Variants in CHD2 observed in about 807,000 individuals in gnomAD.
CHD2 encodes chromodomain helicase DNA binding protein 2.
A neutral mutation model predicts 243.9 loss-of-function variants in CHD2; 28 were observed. The ratio of observed to expected loss-of-function variants is 0.11; its 90% CI spans 0.09 to 0.16. The LOEUF (loss-of-function observed/expected upper bound fraction) is 0.16, where lower values mean the gene tolerates loss of function less well. Among genes scored for constraint, CHD2 ranks in the 10% least tolerant of loss-of-function variants. The probability of loss-of-function intolerance (pLI) is 1.00; values close to 1 mark genes in which losing one functional copy is unlikely to be tolerated. For missense variants in CHD2, 1,386 were observed against 2,209.8 expected (o/e 0.63, Z 7.47); for synonymous variants, 775 against 779.0 (o/e 0.99, Z 0.09).
chr15:92,937,658 T>A, intron 6 of CHD2, 33 bp downstream of exon 6: 1 of 1,485,184 alleles, frequency 6.7e-7, no homozygotes, highest in Non-Finnish European at 9.3e-7. Flanking sequence ...CTACTTGGGA[T>A]GAGCTTAATC....
chr15:92,968,041 T>C lies in CHD2; in HGVS notation c.2189+528T>C, dbSNP rs191103930. Among the ~76,000 whole-genome samples the C allele has an allele frequency of 3.9e-5, 6 of 152,298 alleles. No individual in the cohort carries two copies. In the East Asian group the frequency reaches 1.2e-3, roughly 29 times the overall value. On this transcript the variant is annotated intron_variant, in intron 17 of 38. Transcript: ENST00000394196. ...TATTTTGGGATCAACGTAAGCTCCA[T>C]GCATTTTGCTTGTTTGGGGATCGAT...
chr15:92,977,000 AT>A (rs2053918814), intron 20 of CHD2, among the ~76,000 whole-genome samples: 1 of 151,974 alleles, frequency 6.6e-6, no homozygotes, highest in South Asian at 2.1e-4. Flanking sequence ...GAGTTTTATA[AT>A]TTTTTAACCT....
intron 35 of CHD2, among the ~76,000 whole-genome samples, chr15:93,012,134 A>C (rs1211069811): frequency 6.6e-6 from 1 of 152,188 alleles, no homozygotes; most frequent in African/African-American, 2.4e-5. Flanking sequence ...TGTTTCCCTT[A>C]AAGTTGCAAT....
At chr15:92,960,382 T>G (rs1159494024) in intron 16 of CHD2, among the ~76,000 whole-genome samples, 1 of 152,174 alleles carries the variant, frequency 6.6e-6, no homozygotes, top group Non-Finnish European at 1.5e-5. Flanking sequence ...ATAGAAATGG[T>G]GGGAGCAGGA....
intron 37 of CHD2, among the ~76,000 whole-genome samples, chr15:93,015,728 A>T (rs1450449372): frequency 6.6e-6 from 1 of 152,238 alleles, no homozygotes; most frequent in Non-Finnish European, 1.5e-5. Context: ...AAAAGAAGAC[A>T]TACAGATTGC....
chr15:92,998,504 G>A lies in CHD2; in HGVS notation c.3891G>A (p.Leu1297=). ...DPELKLTDKI[L]PVETDKKPQG... is the part of the protein sequence containing the mutation. ...CTCTTCCTTTCTTGTTGAAGATTCT[G>A]CCGGTGGAGACAGATAAAAAGCCTC... Residue 1297 remains leucine, a synonymous_variant, in exon 31 of 39, where the codon CTG becomes CTA. Transcript: ENST00000394196. This position sits in a 1 kb window ranked among gnomAD's most constrained non-coding sequence, Gnocchi z 5.1. 1 of 1,613,918 alleles carries A rather than the reference G, an allele frequency of 6.2e-7. No individual in the cohort carries two copies. The highest frequency in any genetic ancestry group is 8.5e-7 in the Non-Finnish European group (1 of 1,179,904).
At chr15:92,992,791 G>A (rs2054137513) in intron 27 of CHD2, 68 bp from the exon 28 acceptor site, 4 of 1,566,146 alleles carry the variant, frequency 2.6e-6, no homozygotes, top group Admixed American at 1.7e-5. Flanking sequence ...AGGCCTAGTG[G>A]CATCTCATGA....
At chr15:92,913,445 G>A (rs1252667941) in intron 2 of CHD2, among the ~76,000 whole-genome samples, 1 of 152,160 alleles carries the variant, frequency 6.6e-6, no homozygotes, top group Non-Finnish European at 1.5e-5. Flanking sequence ...TGTCACTCTG[G>A]GGGTGGGGGT....
intron 26 of CHD2, among the ~76,000 whole-genome samples, chr15:92,988,649 A>C (rs1430227307): frequency 6.6e-6 from 1 of 151,944 alleles, no homozygotes; most frequent in Non-Finnish European, 1.5e-5. Flanking sequence ...GAAAGTCTTA[A>C]TTTCTTTTTT....
intron 26 of CHD2, among the ~76,000 whole-genome samples, chr15:92,986,421 T>G (rs1596438888): frequency 1.3e-5 from 2 of 152,328 alleles, no homozygotes; most frequent in Non-Finnish European, 2.9e-5. Context: ...GTGAGGTGTT[T>G]CTTTTCACTT....
Position 92,987,670 on chromosome 15 carries a change from A to G in CHD2, c.3413+1997A>G, listed in dbSNP as rs77481428. Among the ~76,000 whole-genome samples the G allele has an allele frequency of 5.0e-3, 753 of 151,924 alleles. 8 individuals are homozygous for G. Among genetic ancestry groups the G allele is most frequent in the African/African-American group, 0.017 (719 of 41,454 alleles). On this transcript the variant is annotated intron_variant, in intron 26 of 38. Transcript: ENST00000394196. ...TTTTTTAAAAATATTTTTTCTGCCAATCTCTTTTTTTTGATTGCAGTATTT... is the reference window on the plus strand; with the variant it reads ...TTTTTTAAAAATATTTTTTCTGCCAGTCTCTTTTTTTTGATTGCAGTATTT...
In CHD2 at chr15:92,979,016, A is replaced by G. The variant is rs941401494; in HGVS notation, c.2728-119A>G. 2.7e-5 allele frequency: 35 copies of G among 1,308,394 alleles called. No individual in the cohort carries two copies. The African/African-American group carries it at 4.7e-4, about 18-fold the overall frequency. The allele number at this position is 1,308,394 out of a possible 1,614,324, so 81.0% of individuals were successfully genotyped here. A position where few individuals can be genotyped will look rare whatever the true frequency, so the allele number is the denominator to read the frequency against. ...ATGGCTTACAGTCTTCTATGGTTAG[A>G]GAATAAATTCTGTTAAAATTTTCCC... On this transcript the variant is annotated intron_variant, in intron 21 of 38. Coordinates refer to ENST00000394196, the MANE Select transcript of CHD2 (RefSeq NM_001271.4).
chr15:92,904,152 CTT>C (rs1398905619), intron 2 of CHD2, among the ~76,000 whole-genome samples: 3 of 152,362 alleles, frequency 2.0e-5, no homozygotes, highest in Admixed American at 6.5e-5. Flanking sequence ...CGCAGCAGCT[CTT>C]TGAGCCCCTG....
At chr15:92,909,233 A>G (rs1165328353) in intron 2 of CHD2, among the ~76,000 whole-genome samples, 2 of 152,088 alleles carry the variant, frequency 1.3e-5, no homozygotes, top group Non-Finnish European at 2.9e-5. Context: ...TCTCTTCCTT[A>G]GTGTACTCTC....
At chr15:92,992,377 T>G (rs1032746682) in intron 27 of CHD2, among the ~76,000 whole-genome samples, 4 of 152,214 alleles carry the variant, frequency 2.6e-5, no homozygotes, top group Admixed American at 6.5e-5. Context: ...GACAGCCTGT[T>G]TTTTAGCTGT....
intron 16 of CHD2, among the ~76,000 whole-genome samples, chr15:92,964,250 T>C (rs1567144024): frequency 6.6e-6 from 1 of 152,244 alleles, no homozygotes; most frequent in Non-Finnish European, 1.5e-5. Flanking sequence ...TTTGAAAATT[T>C]TGTGTTTAAA....
chr15:93,007,174 A>C (rs1221906797), intron 34 of CHD2, among the ~76,000 whole-genome samples: 2 of 152,254 alleles, frequency 1.3e-5, no homozygotes, highest in African/African-American at 2.4e-5. Flanking sequence ...AATGAATTCA[A>C]GTTCTGATTG....
chr15:92,916,610 A>G (rs1567122881), intron 2 of CHD2, among the ~76,000 whole-genome samples: 3 of 152,102 alleles, frequency 2.0e-5, no homozygotes, highest in African/African-American at 7.2e-5. Context: ...CTGGAGTGCA[A>G]TGGTGCAACC....
intron 19 of CHD2, 128 bp from the exon 20 acceptor site, chr15:92,974,751 T>C: frequency 1.3e-6 from 1 of 754,328 alleles, no homozygotes; most frequent in Non-Finnish European, 2.2e-6. Context: ...TTCATAGCGC[T>C]TTGCCAGTGC....
Sources: gnomAD v4.1 joint callset for allele counts (sites outside exome capture counted in the v4.1 genomes callset) on GRCh38, gnomAD v4.1.1 for gene constraint, Gnocchi (gnomAD v3.1) non-coding constraint, MANE v1.5 for transcripts, NCBI Gene and HGNC (gene_info 2026-07-23, HGNC 2026-07-21) for gene names.